The following FAM20C variants were observed in gnomAD, a reference collection of about 807,000 sequenced individuals.
FAM20C encodes the protein FAM20C golgi associated secretory pathway kinase.
In FAM20C, 40 loss-of-function variants were observed where a neutral mutation model predicts 51.5. The ratio of observed to expected loss-of-function variants is 0.78; its 90% CI spans 0.60 to 1.01. The LOEUF (loss-of-function observed/expected upper bound fraction) is 1.01, where lower values mean the gene tolerates loss of function less well. Among genes scored for constraint, FAM20C ranks in the 50% least tolerant of loss-of-function variants. The pLI, the probability that FAM20C is intolerant of heterozygous loss-of-function variation, is 0.00. For synonymous variants in FAM20C, 406 were observed against 380.6 expected, an observed-to-expected ratio of 1.07 and a Z score of -0.78; for missense variants, 861 against 844.7, an observed-to-expected ratio of 1.02 and a Z score of -0.24.
chr7:206,708 C>G (rs1419636434), intron 2 of FAM20C, among the ~76,000 whole-genome samples: 17 of 134,298 alleles, frequency 1.3e-4, no homozygotes, highest in Non-Finnish European at 2.1e-4. Context: ...TCCACTGTGA[C>G]GCGTCTGTCA....
intron 3 of FAM20C, among the ~76,000 whole-genome samples, chr7:213,672 G>A (rs979771956): frequency 4.6e-5 from 7 of 152,204 alleles, no homozygotes; most frequent in African/African-American, 1.4e-4. Flanking sequence ...CAGCTCTCTT[G>A]GATGTATTCT....
rs1562400741 is a variant in FAM20C at position 257,744 on chromosome 7, CTGGGGTG to C, written c.1445+659_1445+665del. Among the ~76,000 whole-genome samples, 84 of 139,704 alleles carry C rather than the reference CTGGGGTG, an allele frequency of 6.0e-4. 2 individuals are homozygous for C. The highest frequency in any genetic ancestry group is 2.0e-3 in the African/African-American group (66 of 33,714). The allele number at this position is 139,704 out of a possible 152,430, so 91.7% of individuals were successfully genotyped here. On this transcript the variant is annotated intron_variant, in intron 8 of 9. Coordinates refer to ENST00000313766, the MANE Select transcript of FAM20C (RefSeq NM_020223.4). ...GGGACAGGCGGGGTGGACCCACTGC[CTGGGGTG>C]CTGGAGATGGGCAGGGTGGACCCAC... is the stretch of plus-strand genomic sequence containing the variant.
intron 3 of FAM20C, among the ~76,000 whole-genome samples, chr7:214,983 C>T (rs1786892205): frequency 6.6e-6 from 1 of 152,202 alleles, no homozygotes; most frequent in African/African-American, 2.4e-5. Context: ...GACTCGAAGC[C>T]TGAAGGTGGT....
At chr7:203,433 G>A (rs1164862045) in intron 2 of FAM20C, among the ~76,000 whole-genome samples, 1 of 152,154 alleles carries the variant, frequency 6.6e-6, no homozygotes, top group African/African-American at 2.4e-5. Flanking sequence ...CCCTTCCTGG[G>A]TGGGAGGGCA....
At chr7:242,086 G>T (rs1583325126) in intron 3 of FAM20C, among the ~76,000 whole-genome samples, 1 of 152,180 alleles carries the variant, frequency 6.6e-6, no homozygotes, top group African/African-American at 2.4e-5. Context: ...GCTCTGGCAG[G>T]CCTGGAGAGC....
Position 192,622 on chromosome 7 carries a change from C to G in FAM20C, c.-578C>G, listed in dbSNP as rs973822638. Among the ~76,000 whole-genome samples the G allele has an allele frequency of 8.6e-5, 13 of 150,308 alleles. No homozygotes were observed. The highest frequency in any genetic ancestry group is 8.6e-4 in the Admixed American group (13 of 15,140). ...GCTCGGGGCGGCCGCTGCACCTGCCCGGGACCCCGCCGGCCGCTCCCCGCG... is the reference window on the plus strand; with the variant it reads ...GCTCGGGGCGGCCGCTGCACCTGCCGGGGACCCCGCCGGCCGCTCCCCGCG... On this transcript the variant is annotated 5_prime_UTR_variant, in exon 1 of 10. Coordinates refer to ENST00000313766, the MANE Select transcript of FAM20C (RefSeq NM_020223.4).
intron 2 of FAM20C, among the ~76,000 whole-genome samples, chr7:199,916 A>G (rs904964047): frequency 2.0e-5 from 3 of 152,254 alleles, no homozygotes; most frequent in Non-Finnish European, 1.5e-5. Flanking sequence ...TACAGACTTC[A>G]TAATTGCTCC....
chr7:200,475 A>G (rs1229936006), intron 2 of FAM20C, among the ~76,000 whole-genome samples: 1 of 152,080 alleles, frequency 6.6e-6, no homozygotes, highest in Non-Finnish European at 1.5e-5. Context: ...GAAGGTGAGG[A>G]GCAAAAGCTC....
chr7:206,711 G>A (rs113918676), intron 2 of FAM20C, among the ~76,000 whole-genome samples: 16 of 50,256 alleles, frequency 3.2e-4, no homozygotes, highest in African/African-American at 5.7e-4. Context: ...ACTGTGACGC[G>A]TCTGTCATGG....
intron 4 of FAM20C, among the ~76,000 whole-genome samples, 191 bp from the exon 5 acceptor site, chr7:248,124 C>T (rs905304724): frequency 1.3e-5 from 2 of 152,106 alleles, no homozygotes; most frequent in Non-Finnish European, 2.9e-5. Context: ...GCCTCTCCCA[C>T]CCCCATCACC....
intron 3 of FAM20C, among the ~76,000 whole-genome samples, chr7:241,046 G>A (rs1048480916): frequency 2.0e-5 from 3 of 151,184 alleles, no homozygotes; most frequent in African/African-American, 7.4e-5. Context: ...AGAGCCCCAA[G>A]TGGGGCCGGG....
At position 260,122 on chromosome 7, in the gene FAM20C, G is replaced by A; in HGVS notation, c.*142G>A. ...CGGGAGCTGCTGCCACAGGAGGCGA[G>A]GCTCCCCAGGTCTCATAGGACACAT... is the stretch of plus-strand genomic sequence containing the variant. On this transcript the variant is annotated 3_prime_UTR_variant, in exon 10 of 10. Coordinates refer to ENST00000313766, the MANE Select transcript of FAM20C (RefSeq NM_020223.4). 2 of 1,158,874 alleles carry A rather than the reference G, an allele frequency of 1.7e-6. No individual in the cohort carries two copies. Among genetic ancestry groups the A allele is most frequent in the Non-Finnish European group, 2.3e-6 (2 of 864,708 alleles). The allele number at this position is 1,158,874 out of a possible 1,614,324, so 71.8% of individuals were successfully genotyped here.
chr7:197,432 A>G (rs1231711647), intron 2 of FAM20C: 2 of 167,036 alleles, frequency 1.2e-5, no homozygotes, highest in African/African-American at 4.8e-5. Flanking sequence ...AGAGCCGTGC[A>G]CACCAGCCAG....
intron 1 of FAM20C, 155 bp from the exon 2 acceptor site, chr7:195,399 C>G: frequency 1.7e-6 from 1 of 575,938 alleles, no homozygotes; most frequent in Non-Finnish European, 2.7e-6. Context: ...AAAGCGCAGA[C>G]GTTGCAGGGC....
At chr7:206,782 G>A (rs1190123772) in intron 2 of FAM20C, among the ~76,000 whole-genome samples, 2 of 131,484 alleles carry the variant, frequency 1.5e-5, no homozygotes, top group African/African-American at 6.3e-5. Context: ...CGGTCCCCTC[G>A]GCCCCGCACA....
intron 9 of FAM20C, among the ~76,000 whole-genome samples, chr7:259,035 G>C (rs540925527): frequency 6.6e-6 from 1 of 152,242 alleles, no homozygotes; most frequent in Admixed American, 6.5e-5. Flanking sequence ...CGCAGCTGCC[G>C]GTCTCTGCCA....
intron 3 of FAM20C, among the ~76,000 whole-genome samples, chr7:242,135 G>C (rs1787965901): frequency 6.6e-6 from 1 of 152,142 alleles, no homozygotes; most frequent in Non-Finnish European, 1.5e-5. Flanking sequence ...CTGCTACTGA[G>C]ACGTCCACAT....
At position 244,202 on chromosome 7, in the gene FAM20C, C is replaced by T. The variant is rs549299040; in HGVS notation, c.864-2213C>T. ...CCGTTCTGGGGAGTCACTGTGCAGA[C>T]GTAAGGCTCGAAGTTTACAGAAAAG... On this transcript the variant is annotated intron_variant, in intron 3 of 9. Transcript: ENST00000313766. Among the ~76,000 whole-genome samples the T allele has an allele frequency of 5.3e-5, 8 of 152,160 alleles. No individual in the cohort carries two copies. The East Asian group carries it at 1.2e-3, about 22-fold the overall frequency.
chr7:248,101 C>T (rs898041914), intron 4 of FAM20C, among the ~76,000 whole-genome samples: 3 of 152,212 alleles, frequency 2.0e-5, no homozygotes, highest in Non-Finnish European at 4.4e-5. Context: ...TCGCCAGCCC[C>T]AGTCCCTCAG....
Sources: gnomAD v4.1 joint callset for allele counts (sites outside exome capture counted in the v4.1 genomes callset) on GRCh38, gnomAD v4.1.1 for gene constraint, MANE v1.5 for transcripts, NCBI Gene and HGNC (gene_info 2026-07-23, HGNC 2026-07-21) for gene names.